Variants in PVT1 observed in about 807,000 individuals in gnomAD.
The protein encoded by PVT1 is Pvt1 oncogene.
chr8:128,081,993 C>T (rs1814187758), intron 5 of PVT1, among the ~76,000 whole-genome samples: 1 of 152,152 alleles, frequency 6.6e-6, no homozygotes, highest in African/African-American at 2.4e-5. Context: ...GGCCTACCCA[C>T]TACTGACTGC....
chr8:127,887,186 C>T (rs563747196), intron 2 of PVT1, among the ~76,000 whole-genome samples: 138 of 152,300 alleles, frequency 9.1e-4, no homozygotes, highest in African/African-American at 3.2e-3. Context: ...TCACTTTCAC[C>T]TATTGTGTTG....
intron 2 of PVT1, among the ~76,000 whole-genome samples, chr8:127,843,808 T>C (rs987924526): frequency 1.3e-5 from 2 of 151,654 alleles, no homozygotes; most frequent in African/African-American, 4.8e-5. Flanking sequence ...CTAGATGTGA[T>C]GTGTTCACAG....
chr8:127,920,875 T>C (rs890542162), intron 3 of PVT1, among the ~76,000 whole-genome samples: 1 of 152,222 alleles, frequency 6.6e-6, no homozygotes, highest in Non-Finnish European at 1.5e-5. Context: ...TTAAAGAAAC[T>C]GAAACCAGGA....
chr8:127,879,475 G>A (rs1815440485), intron 2 of PVT1, among the ~76,000 whole-genome samples: 1 of 152,220 alleles, frequency 6.6e-6, no homozygotes, highest in Admixed American at 6.5e-5. Flanking sequence ...GTTGTAGTGA[G>A]CTGAGATCAC....
chr8:127,926,434 G>A (rs997614460), intron 3 of PVT1, among the ~76,000 whole-genome samples: 1 of 152,206 alleles, frequency 6.6e-6, no homozygotes, highest in African/African-American at 2.4e-5. Flanking sequence ...CTTCTCTGGA[G>A]ATTAGCCTTC....
At chr8:127,897,859 G>C (rs553140166) in intron 3 of PVT1, among the ~76,000 whole-genome samples, 50 of 91,676 alleles carry the variant, frequency 5.5e-4, no homozygotes, top group Non-Finnish European at 8.5e-4. Flanking sequence ...AGAAAGACAG[G>C]AAGGAAGAAA....
chr8:127,964,812 T>G (rs2129952640), intron 3 of PVT1, among the ~76,000 whole-genome samples: 1 of 152,168 alleles, frequency 6.6e-6, no homozygotes, highest in African/African-American at 2.4e-5. Flanking sequence ...ACAACTTTAT[T>G]TAATTTTATT....
intron 3 of PVT1, chr8:127,947,549 C>T: frequency 2.7e-6 from 1 of 363,768 alleles, no homozygotes; most frequent in South Asian, 2.1e-5. Context: ...CAGGTTTCTC[C>T]CCTCCCAGGT....
chr8:127,901,318 G>T (rs995026299), intron 3 of PVT1, among the ~76,000 whole-genome samples: 1 of 152,164 alleles, frequency 6.6e-6, no homozygotes. Flanking sequence ...GTGACCCATT[G>T]CAGGAAGAGG....
chr8:127,897,651 CAGGAAGGA>C (rs1412868338), intron 3 of PVT1, among the ~76,000 whole-genome samples: 8 of 101,422 alleles, frequency 7.9e-5, no homozygotes. Context: ...GAAAGAAAGA[CAGGAAGGA>C]AGGAAGAAAG....
At chr8:127,817,490 T>TATATATATATATATATTTAAATA (rs1360329681) in intron 2 of PVT1, among the ~76,000 whole-genome samples, 1 of 127,364 alleles carries the variant, frequency 7.9e-6, no homozygotes, top group Non-Finnish European at 1.6e-5. Context: ...TGTGTGTGTG[T>TATATATATATATATATTTAAATA]GTATATACAT....
At chr8:127,833,993 C>T (rs185983037) in intron 2 of PVT1, among the ~76,000 whole-genome samples, 2 of 152,226 alleles carry the variant, frequency 1.3e-5, no homozygotes, top group African/African-American at 4.8e-5. Flanking sequence ...CTGAAGTTGA[C>T]GACCTTGTAT....
intron 4 of PVT1, among the ~76,000 whole-genome samples, chr8:128,014,460 G>A (rs1347167167): frequency 6.6e-6 from 1 of 152,186 alleles, no homozygotes; most frequent in East Asian, 1.9e-4. Context: ...GAAGAGAAGT[G>A]AAGGCCTTGA....
chr8:127,945,190 C>G (rs1489285604), intron 3 of PVT1, among the ~76,000 whole-genome samples: 1 of 151,852 alleles, frequency 6.6e-6, no homozygotes, highest in Non-Finnish European at 1.5e-5. Flanking sequence ...CATTTTTTTT[C>G]TTTTCTTTCT....
chr8:127,855,140 GGAATC>G, intron 2 of PVT1: 1 of 398,664 alleles, frequency 2.5e-6, no homozygotes, highest in Non-Finnish European at 4.4e-6. Flanking sequence ...CGTGGCTGCT[GGAATC>G]TTCCCTAAGG....
intron 4 of PVT1, among the ~76,000 whole-genome samples, chr8:128,008,395 T>C (rs985549016): frequency 1.3e-5 from 2 of 152,232 alleles, no homozygotes; most frequent in Non-Finnish European, 2.9e-5. Flanking sequence ...TTCTCTACCA[T>C]GTACCTTTCT....
intron 2 of PVT1, among the ~76,000 whole-genome samples, chr8:127,838,855 G>A (rs1814937574): frequency 6.6e-6 from 1 of 151,846 alleles, no homozygotes; most frequent in African/African-American, 2.4e-5. Flanking sequence ...AATGATGTGT[G>A]GATCAGCAAT....
At chr8:128,095,287 T>C (rs148220965) in intron 5 of PVT1, among the ~76,000 whole-genome samples, 100 of 152,294 alleles carry the variant, frequency 6.6e-4, no homozygotes, top group African/African-American at 2.4e-3. Context: ...TGATGCTTTT[T>C]CTTGGGGTGA....
At chr8:127,866,033 C>T (rs1198909469) in intron 2 of PVT1, among the ~76,000 whole-genome samples, 3 of 152,182 alleles carry the variant, frequency 2.0e-5, no homozygotes, top group Non-Finnish European at 4.4e-5. Flanking sequence ...ATGGCTTCTC[C>T]CTCTGACAGC....
Sources: allele counts gnomAD v4.1 joint callset (sites outside exome capture counted in the v4.1 genomes callset), GRCh38; gene constraint gnomAD v4.1.1; transcripts MANE v1.5; gene names NCBI Gene and HGNC (gene_info 2026-07-23, HGNC 2026-07-21).